Variants in PSEN1 observed in about 807,000 individuals in gnomAD.
PSEN1 encodes presenilin 1.
In PSEN1, 15 loss-of-function variants were observed where a neutral mutation model predicts 53.5. That is an observed-to-expected ratio of 0.28 (90% confidence interval 0.19 to 0.43). PSEN1 has a LOEUF of 0.43. Among genes scored for constraint, PSEN1 ranks in the 20% least tolerant of loss-of-function variants. The pLI is 1.00. For synonymous variants in PSEN1, 208 were observed against 209.8 expected (o/e 0.99, Z 0.08); for missense variants, 387 against 571.2 (o/e 0.68, Z 3.29).
In PSEN1 at chr14:73,149,323, T is replaced by G. The variant is rs562150930; in HGVS notation, c.87+1217T>G. 4.3e-3 allele frequency among the ~76,000 whole-genome samples: 633 copies of G among 148,786 alleles called. 6 individuals are homozygous for G. Among genetic ancestry groups the G allele is most frequent in the African/African-American group, 0.015 (611 of 40,884 alleles). ...TGGGCAACATAGAGAGGTTCTGTGT[T>G]TTTTTTTTTTTAATTTTCCCACAGT... On this transcript the variant is annotated intron_variant, in intron 3 of 11. Transcript: ENST00000324501.
intron 5 of PSEN1, among the ~76,000 whole-genome samples, chr14:73,180,464 T>C (rs1039744075): frequency 3.3e-5 from 5 of 152,192 alleles, no homozygotes; most frequent in African/African-American, 1.2e-4. Context: ...GAGTCAGAGA[T>C]TGAGTAACTT....
chr14:73,162,098 T>G (rs187662338), intron 3 of PSEN1, among the ~76,000 whole-genome samples: 3,603 of 148,964 alleles, frequency 0.024, 151 homozygotes, highest in African/African-American at 0.081. Flanking sequence ...AGAATCACTC[T>G]AACCTGGGAG....
At chr14:73,217,796 T>A (rs916233662) in intron 11 of PSEN1, among the ~76,000 whole-genome samples, 49 of 58,670 alleles carry the variant, frequency 8.4e-4, no homozygotes, top group African/African-American at 3.2e-3. Flanking sequence ...AAAACTATGA[T>A]TTTTTTTTTT....
chr14:73,181,957 A>G (rs1367110064), intron 5 of PSEN1, among the ~76,000 whole-genome samples: 1 of 152,118 alleles, frequency 6.6e-6, no homozygotes, highest in Non-Finnish European at 1.5e-5. Context: ...TATTTTTAGT[A>G]GAGACGGGGT....
Position 73,222,790 on chromosome 14 carries a change from G to A in PSEN1, c.*3501G>A, listed in dbSNP as rs1381600927. On this transcript the variant is annotated 3_prime_UTR_variant, in exon 12 of 12. Transcript: ENST00000324501. ...GGGCTTATACATTGGTGTTATAAAA[G>A]TGACTTGATTCAGAAATCAATCCAT... 1 of 152,148 alleles carries A rather than the reference G, an allele frequency of 6.6e-6. No individual in the cohort carries two copies. Among genetic ancestry groups the A allele is most frequent in the East Asian group, 1.9e-4 (1 of 5,206 alleles). The allele number at this position is 152,148 out of a possible 1,614,324, so 9.4% of individuals were successfully genotyped here.
chr14:73,199,244 A>C (rs995126222), intron 8 of PSEN1, among the ~76,000 whole-genome samples: 35 of 152,254 alleles, frequency 2.3e-4, no homozygotes, highest in African/African-American at 8.2e-4. Context: ...CTTGAAGAAC[A>C]TTAGCAGAGA....
chr14:73,161,396 C>T (rs1313057369), intron 3 of PSEN1, among the ~76,000 whole-genome samples: 1 of 152,074 alleles, frequency 6.6e-6, no homozygotes, highest in Non-Finnish European at 1.5e-5. Flanking sequence ...TCTTTAATTT[C>T]TCTTAGCAAT....
In PSEN1 at chr14:73,221,363, G is replaced by A. The variant is rs1276783132; in HGVS notation, c.*2074G>A. On this transcript the variant is annotated 3_prime_UTR_variant, in exon 12 of 12. Coordinates refer to ENST00000324501, the MANE Select transcript of PSEN1 (RefSeq NM_000021.4). The stretch of plus-strand genomic sequence containing the variant: ...ATTTGTGATTGGAAGCATTCTTGAG[G>A]GATCCCTAATCTAGAGTAATTTATT... 6.6e-6 allele frequency: 1 copy of A among 152,160 alleles called. No individual in the cohort carries two copies. The highest frequency in any genetic ancestry group is 2.4e-5 in the African/African-American group (1 of 41,426). The allele number at this position is 152,160 out of a possible 1,614,324, so 9.4% of individuals were successfully genotyped here. A position where few individuals can be genotyped will look rare whatever the true frequency, so the allele number is the denominator to read the frequency against.
At chr14:73,187,414 G>T (rs1345223140) in intron 6 of PSEN1, among the ~76,000 whole-genome samples, 2 of 152,156 alleles carry the variant, frequency 1.3e-5, no homozygotes, top group East Asian at 3.8e-4. Context: ...CTCAGCTCAA[G>T]TGGCAGAATA....
chr14:73,182,948 A>G (rs1489887372), intron 5 of PSEN1, among the ~76,000 whole-genome samples: 2 of 152,320 alleles, frequency 1.3e-5, no homozygotes, highest in South Asian at 2.1e-4. Context: ...GAGAATTTCA[A>G]TTATTTAATA....
chr14:73,152,430 T>C (rs1455857824), intron 3 of PSEN1, among the ~76,000 whole-genome samples: 1 of 147,962 alleles, frequency 6.8e-6, no homozygotes, highest in Non-Finnish European at 1.5e-5. Context: ...TGAAACCCCA[T>C]TTCTACTAAG....
At chr14:73,197,453 T>C (rs889589075) in intron 7 of PSEN1, among the ~76,000 whole-genome samples, 1 of 152,218 alleles carries the variant, frequency 6.6e-6, no homozygotes, top group Admixed American at 6.5e-5. Context: ...GAGTTATTAT[T>C]GTGTTTTATT....
chr14:73,170,710 C>T (rs1029988880), intron 3 of PSEN1, 87 bp from the exon 4 acceptor site: 56 of 1,395,382 alleles, frequency 4.0e-5, no homozygotes, highest in Non-Finnish European at 5.0e-5. Context: ...CTCATAGTGA[C>T]GGGTCTGTTG....
At chr14:73,138,501 G>A (rs1896814332) in intron 1 of PSEN1, among the ~76,000 whole-genome samples, 1 of 149,720 alleles carries the variant, frequency 6.7e-6, no homozygotes, top group African/African-American at 2.5e-5. Flanking sequence ...TTACAGGCGT[G>A]AGCCACCCTG....
At chr14:73,144,033 ATCTTTT>A (rs1489515952) in intron 1 of PSEN1, among the ~76,000 whole-genome samples, 11 of 84,500 alleles carry the variant, frequency 1.3e-4, no homozygotes, top group African/African-American at 4.6e-4. Context: ...ATTATAGCTT[ATCTTTT>A]TTTTTTTTTT....
chr14:73,181,525 G>T (rs1359447467), intron 5 of PSEN1, among the ~76,000 whole-genome samples: 2 of 152,188 alleles, frequency 1.3e-5, no homozygotes, highest in Non-Finnish European at 2.9e-5. Flanking sequence ...TTGGGACCCT[G>T]AGACGAGATG....
chr14:73,148,521 G>T (rs911975877), intron 3 of PSEN1, among the ~76,000 whole-genome samples: 4 of 152,182 alleles, frequency 2.6e-5, no homozygotes, highest in African/African-American at 9.7e-5. Flanking sequence ...AGTTCTAAGG[G>T]TTCAAAGGAG....
At chr14:73,144,729 A>G (rs973750567) in intron 1 of PSEN1, among the ~76,000 whole-genome samples, 4 of 152,210 alleles carry the variant, frequency 2.6e-5, no homozygotes, top group African/African-American at 9.7e-5. Context: ...ACATATAAGT[A>G]GACAGTGTCT....
chr14:73,183,212 G>A (rs1898279256), intron 5 of PSEN1, among the ~76,000 whole-genome samples: 1 of 152,168 alleles, frequency 6.6e-6, no homozygotes, highest in African/African-American at 2.4e-5. Context: ...CCGCCTCTCA[G>A]GTTGAAGTGA....
Sources: allele counts gnomAD v4.1 joint callset (sites outside exome capture counted in the v4.1 genomes callset), GRCh38; gene constraint gnomAD v4.1.1; transcripts MANE v1.5; gene names NCBI Gene and HGNC (gene_info 2026-07-23, HGNC 2026-07-21).